The following SUPT3H variants were observed in gnomAD, a reference collection of about 807,000 sequenced individuals.
SUPT3H encodes SPT3 homolog, SAGA and STAGA complex component, also known as transcription initiation protein SPT3 homolog.
Under a neutral mutation model 44.3 loss-of-function variants are expected in SUPT3H, and 44 were observed. That is an observed-to-expected ratio of 0.99 (90% confidence interval 0.78 to 1.28). SUPT3H has a LOEUF of 1.28. SUPT3H is among the 50% of genes most tolerant of loss of function. The pLI is 0.00. For missense variants in SUPT3H, 380 were observed against 387.1 expected, an observed-to-expected ratio of 0.98 and a Z score of 0.15; for synonymous variants, 124 against 125.6, an observed-to-expected ratio of 0.99 and a Z score of 0.09.
chr6:45,003,745 G>C lies in SUPT3H; in HGVS notation c.412C>G (p.Gln138Glu), dbSNP rs563305485. ...NNANKRQKIA[Q>E]DFLNSIDQTG... The stretch of plus-strand genomic sequence containing the variant: ...TGGTCAATAGAGTTGAGGAAGTCCT[G>C]AGCAATCTTTTGTCTTTTGTTCGCA... Residue 138 changes from glutamine (Q) to glutamate (E), a missense_variant, in exon 6 of 11, where the codon CAG becomes GAG. Coordinates refer to ENST00000371459, the MANE Select transcript of SUPT3H (RefSeq NM_003599.4). 4 of 1,613,760 alleles carry C rather than the reference G, an allele frequency of 2.5e-6. No homozygotes were observed. Among genetic ancestry groups the C allele is most frequent in the East Asian group, 4.5e-5 (2 of 44,824 alleles).
At chr6:44,915,456 C>A (rs559864144) in intron 10 of SUPT3H, among the ~76,000 whole-genome samples, 3 of 152,060 alleles carry the variant, frequency 2.0e-5, no homozygotes, top group South Asian at 4.1e-4. Flanking sequence ...AGTTCTAAGG[C>A]CCCCCAACCA....
chr6:44,945,276 C>T (rs1450521674), intron 9 of SUPT3H, among the ~76,000 whole-genome samples: 1 of 152,100 alleles, frequency 6.6e-6, no homozygotes, highest in Non-Finnish European at 1.5e-5. Context: ...TGAGACACAA[C>T]AATACTGAAA....
At chr6:45,134,761 C>A (rs1804009223) in intron 2 of SUPT3H, among the ~76,000 whole-genome samples, 1 of 152,202 alleles carries the variant, frequency 6.6e-6, no homozygotes, top group South Asian at 2.1e-4. Context: ...GATGGATTTG[C>A]ATGCTGGTAG....
chr6:45,067,583 T>C (rs369499211), intron 3 of SUPT3H, among the ~76,000 whole-genome samples: 3,752 of 150,626 alleles, frequency 0.025, 117 homozygotes, highest in African/African-American at 0.078. Flanking sequence ...GGGCTAATAT[T>C]CAGAATCTAC....
intron 2 of SUPT3H, among the ~76,000 whole-genome samples, chr6:45,185,014 A>G (rs1813945179): frequency 6.6e-6 from 1 of 152,196 alleles, no homozygotes; most frequent in African/African-American, 2.4e-5. Context: ...ACCCAACAGT[A>G]GTCAATCAGG....
rs566778128 is a variant in SUPT3H, at chr6:45,178,168, G to C, written c.102-72162C>G. Among the ~76,000 whole-genome samples, 5 of 152,164 alleles carry C rather than the reference G, an allele frequency of 3.3e-5. No individual in the cohort carries two copies. The South Asian group carries it at 1.0e-3, about 32-fold the overall frequency. ...AGACCCATCAGTGTGCTGTATTTAG[G>C]AAACCCATCTCATGTGCAGAGACAC... is the stretch of plus-strand genomic sequence containing the variant. On this transcript the variant is annotated intron_variant, in intron 2 of 10. Coordinates refer to ENST00000371459, the MANE Select transcript of SUPT3H (RefSeq NM_003599.4).
rs1768258148 is a variant in SUPT3H at position 44,829,632 on chromosome 6, A to G, written c.*184T>C. 3.2e-6 allele frequency: 2 copies of G among 625,266 alleles called. No individual in the cohort carries two copies. Among genetic ancestry groups the G allele is most frequent in the Admixed American group, 2.8e-5 (1 of 35,362 alleles). The allele number at this position is 625,266 out of a possible 1,614,324, so 38.7% of individuals were successfully genotyped here. ...CATTAATTAGCTGAACAGCCCATCTAGTAAACAAGACCGATGGTTGAGGGG... is the reference window on the plus strand; with the variant it reads ...CATTAATTAGCTGAACAGCCCATCTGGTAAACAAGACCGATGGTTGAGGGG... On this transcript the variant is annotated 3_prime_UTR_variant, in exon 11 of 11. Coordinates refer to ENST00000371459, the MANE Select transcript of SUPT3H (RefSeq NM_003599.4).
intron 1 of SUPT3H, chr6:45,371,868 T>C: frequency 2.0e-6 from 2 of 978,478 alleles, no homozygotes; most frequent in Non-Finnish European, 2.4e-6. Flanking sequence ...ACTAATTTCC[T>C]CCAAATCCCT....
At chr6:45,308,356 G>T (rs546235383) in intron 2 of SUPT3H, among the ~76,000 whole-genome samples, 1 of 152,242 alleles carries the variant, frequency 6.6e-6, no homozygotes, top group South Asian at 2.1e-4. Context: ...GAAAAAGGTC[G>T]GGTTACCCAC....
At chr6:45,219,216 A>C (rs1271701524) in intron 2 of SUPT3H, among the ~76,000 whole-genome samples, 1 of 152,140 alleles carries the variant, frequency 6.6e-6, no homozygotes, top group African/African-American at 2.4e-5. Context: ...AATAAACCTA[A>C]GCAGGTAGAT....
intron 6 of SUPT3H, among the ~76,000 whole-genome samples, chr6:44,998,211 A>G (rs1290469518): frequency 6.6e-6 from 1 of 151,790 alleles, no homozygotes; most frequent in Non-Finnish European, 1.5e-5. Context: ...TAACTATTTC[A>G]TGAATTAAAG....
intron 9 of SUPT3H, among the ~76,000 whole-genome samples, chr6:44,942,394 G>A (rs1310196350): frequency 6.6e-6 from 1 of 152,146 alleles, no homozygotes; most frequent in Non-Finnish European, 1.5e-5. Flanking sequence ...ATGTCAGTGG[G>A]TGGATTTCCT....
intron 2 of SUPT3H, among the ~76,000 whole-genome samples, chr6:45,340,364 C>T (rs1284220374): frequency 6.6e-6 from 1 of 152,118 alleles, no homozygotes; most frequent in Admixed American, 6.6e-5. Flanking sequence ...CACTCTGTCA[C>T]CCAGGCTAGA....
chr6:44,874,851 CCAA>C (rs1162865263), intron 10 of SUPT3H, among the ~76,000 whole-genome samples: 3 of 145,850 alleles, frequency 2.1e-5, no homozygotes, highest in African/African-American at 7.8e-5. Context: ...TTCTTATACA[CCAA>C]CAACAGACAA....
intron 2 of SUPT3H, among the ~76,000 whole-genome samples, chr6:45,185,569 A>G (rs1162862593): frequency 6.6e-6 from 1 of 152,208 alleles, no homozygotes; most frequent in Non-Finnish European, 1.5e-5. Flanking sequence ...TTTTACCTAG[A>G]AACTGTCACT....
At chr6:45,304,009 TTAAATTAA>T (rs1782594001) in intron 2 of SUPT3H, among the ~76,000 whole-genome samples, 1 of 151,994 alleles carries the variant, frequency 6.6e-6, no homozygotes, top group African/African-American at 2.4e-5. Flanking sequence ...AATTAAATCT[TTAAATTAA>T]ATTTGTTGTA....
intron 3 of SUPT3H, among the ~76,000 whole-genome samples, chr6:45,027,127 C>G (rs1786150087): frequency 1.3e-5 from 2 of 151,564 alleles, no homozygotes; most frequent in Non-Finnish European, 2.9e-5. Flanking sequence ...GTAGCTGGGA[C>G]TATAGGCGTG....
At chr6:44,818,297 A>G (rs1767042090) in intron 11 of SUPT3H, among the ~76,000 whole-genome samples, 1 of 152,146 alleles carries the variant, frequency 6.6e-6, no homozygotes, top group Non-Finnish European at 1.5e-5. Context: ...CTTATCTTGT[A>G]TTAATACCAT....
intron 10 of SUPT3H, among the ~76,000 whole-genome samples, chr6:44,839,643 CTCAACAGCCAAA>C (rs1044020801): frequency 2.0e-5 from 3 of 151,998 alleles, no homozygotes; most frequent in African/African-American, 7.2e-5. Flanking sequence ...TATTTTATTA[CTCAACAGCCAAA>C]TTAACAAAAT....
Sources: gnomAD v4.1 joint callset for allele counts (sites outside exome capture counted in the v4.1 genomes callset) on GRCh38, gnomAD v4.1.1 for gene constraint, MANE v1.5 for transcripts, NCBI Gene and HGNC (gene_info 2026-07-23, HGNC 2026-07-21) for gene names.